The following ODR4 variants were observed in gnomAD, a reference collection of about 807,000 sequenced individuals.
The protein encoded by ODR4 is odr-4 GPCR localization factor homolog, also known as protein odr-4 homolog.
A neutral mutation model predicts 60.2 loss-of-function variants in ODR4; 47 were observed. The ratio of observed to expected loss-of-function variants is 0.78; its 90% confidence interval spans 0.62 to 1.00. The LOEUF (loss-of-function observed/expected upper bound fraction) is 1.00. Ranked by LOEUF, ODR4 falls within the 50% of genes least tolerant of loss-of-function variation. ODR4 has a pLI of 0.00. For missense variants in ODR4, 488 were observed against 530.8 expected (o/e 0.92, Z 0.79); for synonymous variants, 178 against 175.5 (o/e 1.01, Z -0.11).
At chr1:186,425,050 T>C (rs1444908311), downstream of ODR4, among the ~76,000 whole-genome samples, 1 of 152,068 alleles carries the variant, frequency 6.6e-6, no homozygotes, top group South Asian at 2.1e-4. Flanking sequence ...GCAGAAATCT[T>C]TGGTAGTTAC....
intron 7 of ODR4, among the ~76,000 whole-genome samples, 193 bp from the exon 8 acceptor site, chr1:186,391,500 CTAT>C (rs1558070626): frequency 6.6e-6 from 1 of 150,938 alleles, no homozygotes; most frequent in Non-Finnish European, 1.5e-5. Flanking sequence ...CAGAAAATAA[CTAT>C]TATTAAATAT....
downstream of ODR4, among the ~76,000 whole-genome samples, chr1:186,426,051 G>A (rs980343716): frequency 1.3e-5 from 2 of 152,102 alleles, no homozygotes; most frequent in African/African-American, 2.4e-5. Context: ...TTTAGCAATT[G>A]CCATGAGCTT....
the ODR4 span, among the ~76,000 whole-genome samples, chr1:186,426,585 A>C: frequency 1.3e-5 from 2 of 152,190 alleles, no homozygotes; most frequent in African/African-American, 4.8e-5. Context: ...GAAGTTCCAG[A>C]ATGTCACTCT....
chr1:186,400,747 A>C, intron 11 of ODR4: 1 of 280,738 alleles, frequency 3.6e-6, no homozygotes. Context: ...TGATTGGCAG[A>C]TTTAACATTT....
At chr1:186,416,919 T>C (rs536617674) in intron 12 of ODR4, among the ~76,000 whole-genome samples, 2 of 151,990 alleles carry the variant, frequency 1.3e-5, no homozygotes, top group East Asian at 3.9e-4. Flanking sequence ...CTATGAATTT[T>C]GGTATAAATT....
At chr1:186,393,919 T>G in intron 8 of ODR4, 28 bp from the exon 9 acceptor site, 4 of 1,260,190 alleles carry the variant, frequency 3.2e-6, no homozygotes, top group Non-Finnish European at 4.5e-6. Context: ...CTTCACAGTT[T>G]GGCTTTTTAA....
chr1:186,426,874 G>A, the ODR4 span, among the ~76,000 whole-genome samples: 1 of 152,004 alleles, frequency 6.6e-6, no homozygotes, highest in African/African-American at 2.4e-5. Context: ...TGTTTTCCCA[G>A]TGCATATAAA....
chr1:186,413,564 G>A (rs1324966152), intron 12 of ODR4, among the ~76,000 whole-genome samples: 1 of 152,078 alleles, frequency 6.6e-6, no homozygotes, highest in African/African-American at 2.4e-5. Flanking sequence ...TAATTTCAAT[G>A]TACTTTTATC....
At position 186,421,271 on chromosome 1, in the gene ODR4, A is replaced by T. The variant is rs947044163; in HGVS notation, c.*2195A>T. On this transcript the variant is annotated 3_prime_UTR_variant, in exon 14 of 14. Coordinates refer to ENST00000287859, the MANE Select transcript of ODR4 (RefSeq NM_017847.6). ...ACTAGTAAGCAAATAAATGATAAAC[A>T]TAAGTAAATTTAAACTGTTGTTTGT... The T allele has an allele frequency of 6.6e-6, 1 of 152,250 alleles. No homozygotes were observed. The highest frequency in any genetic ancestry group is 1.5e-5 in the Non-Finnish European group (1 of 68,038). 9.4% of individuals were successfully genotyped at this position (152,250 alleles called of 1,614,324 possible).
intron 9 of ODR4, among the ~76,000 whole-genome samples, chr1:186,394,816 C>G (rs1660608491): frequency 6.6e-6 from 1 of 152,194 alleles, no homozygotes; most frequent in Non-Finnish European, 1.5e-5. Flanking sequence ...GCCTATGCCA[C>G]TCAATGTGAG....
chr1:186,420,560 C>T lies in ODR4; in HGVS notation c.*1484C>T, dbSNP rs1230696563. The T allele has an allele frequency of 1.3e-5, 2 of 152,020 alleles. No homozygotes were observed. The highest frequency in any genetic ancestry group is 2.4e-5 in the African/African-American group (1 of 41,396). 9.4% of individuals were successfully genotyped at this position (152,020 alleles called of 1,614,324 possible). On this transcript the variant is annotated 3_prime_UTR_variant, in exon 14 of 14. Transcript: ENST00000287859. ...TAAGGAATGAAGTTGGAACCACAGG[C>T]AGATCTGAAAAAGAACCAAATAGAG...
rs10911857 is a variant in ODR4 at position 186,405,647 on chromosome 1, G to T, written c.1001-436G>T. 2.8e-3 allele frequency among the ~76,000 whole-genome samples: 425 copies of T among 152,254 alleles called. 20 individuals carry two copies. In the East Asian group the frequency reaches 0.066, roughly 24 times the overall value. ...GGCTCACCGCAACCTCCACCTCCCGGTTCAAGAAATCCTCCTGCCTCAGCC... is the reference window on the plus strand; with the variant it reads ...GGCTCACCGCAACCTCCACCTCCCGTTTCAAGAAATCCTCCTGCCTCAGCC... On this transcript the variant is annotated intron_variant, in intron 11 of 13. Coordinates refer to ENST00000287859, the MANE Select transcript of ODR4 (RefSeq NM_017847.6).
the ODR4 span, among the ~76,000 whole-genome samples, chr1:186,434,332 C>A: frequency 6.6e-6 from 1 of 151,974 alleles, no homozygotes; most frequent in Non-Finnish European, 1.5e-5. Context: ...ATAGCCAATA[C>A]CTGGGTTTAA....
chr1:186,379,657 A>G, intron 1 of ODR4, 110 bp from the exon 2 acceptor site: 1 of 584,272 alleles, frequency 1.7e-6, no homozygotes. Context: ...GCTGCAAGGC[A>G]TGAGATAGCC....
chr1:186,410,304 TC>T (rs1313747574), intron 12 of ODR4, among the ~76,000 whole-genome samples: 1 of 152,224 alleles, frequency 6.6e-6, no homozygotes, highest in Admixed American at 6.5e-5. Context: ...GCTCAGTAGT[TC>T]AGAACATTTT....
chr1:186,381,570 G>A (rs979273742), intron 2 of ODR4, among the ~76,000 whole-genome samples: 13 of 152,090 alleles, frequency 8.5e-5, no homozygotes, highest in Middle Eastern at 3.4e-3. Flanking sequence ...CTCGTGATCC[G>A]CCTGCCTCGG....
At chr1:186,394,066 A>G (rs1660575781) in intron 9 of ODR4, 51 bp downstream of exon 9, 4 of 1,022,332 alleles carry the variant, frequency 3.9e-6, no homozygotes. Flanking sequence ...AACCATAATG[A>G]AACTGTTTCT....
At chr1:186,424,169 A>G (rs1661846086), downstream of ODR4, among the ~76,000 whole-genome samples, 1 of 152,192 alleles carries the variant, frequency 6.6e-6, no homozygotes, top group African/African-American at 2.4e-5. Flanking sequence ...TCCGTTGACA[A>G]CAAAAAACAA....
At chr1:186,401,943 G>T (rs1223566870) in intron 11 of ODR4, among the ~76,000 whole-genome samples, 1 of 151,996 alleles carries the variant, frequency 6.6e-6, no homozygotes, top group African/African-American at 2.4e-5. Flanking sequence ...TTTTTTAAAG[G>T]TTCAGTAGAA....
Sources: gnomAD v4.1 joint callset for allele counts (sites outside exome capture counted in the v4.1 genomes callset) on GRCh38, gnomAD v4.1.1 for gene constraint, MANE v1.5 for transcripts, NCBI Gene and HGNC (gene_info 2026-07-23, HGNC 2026-07-21) for gene names.